RYR3: variants seen among roughly 807,000 people sequenced by gnomAD.
RYR3 encodes brain ryanodine receptor-calcium release channel.
A neutral mutation model predicts 584.3 loss-of-function variants in RYR3; 207 were observed. The ratio of observed to expected loss-of-function variants is 0.35; its 90% CI spans 0.32 to 0.40. The LOEUF (loss-of-function observed/expected upper bound fraction) is 0.40. Among genes scored for constraint, RYR3 ranks in the 10% least tolerant of loss-of-function variants. RYR3 has a pLI of 1.00. For synonymous variants in RYR3, 2,416 were observed against 2,248.5 expected (o/e 1.07, Z -2.11); for missense variants, 5,616 against 6,089.2 (o/e 0.92, Z 2.59).
Position 33,404,090 on chromosome 15 carries a change from G to A in RYR3, c.52-69329G>A, listed in dbSNP as rs181398876. 5.9e-5 allele frequency among the ~76,000 whole-genome samples: 9 copies of A among 152,304 alleles called. No homozygotes were observed. The East Asian group carries it at 1.7e-3, about 29-fold the overall frequency. On this transcript the variant is annotated intron_variant, in intron 1 of 103. Coordinates refer to ENST00000634891, the MANE Select transcript of RYR3 (RefSeq NM_001036.6). ...GTTTTTGCCTCTCCATTTGAGGGAT[G>A]AATTTGGTCGTAAAATAACAGTTAG...
intron 86 of RYR3, 119 bp downstream of exon 86, chr15:33,831,210 T>G: frequency 1.1e-6 from 1 of 906,786 alleles, no homozygotes; most frequent in Non-Finnish European, 1.5e-6. Context: ...GCCCTAATGC[T>G]GACAATTTTT....
chr15:33,528,521 A>G (rs1397376424), intron 3 of RYR3, among the ~76,000 whole-genome samples: 4 of 152,176 alleles, frequency 2.6e-5, no homozygotes, highest in Non-Finnish European at 5.9e-5. Flanking sequence ...CACCTATTTT[A>G]ATAGGTGTTT....
At chr15:33,728,810 C>T (rs1188102493) in intron 46 of RYR3, 47 bp from the exon 47 acceptor site, 11 of 1,558,824 alleles carry the variant, frequency 7.1e-6, no homozygotes, top group Middle Eastern at 3.4e-4. Flanking sequence ...TCTTTTGAGA[C>T]TTTGGAGACA....
intron 10 of RYR3, among the ~76,000 whole-genome samples, chr15:33,561,010 C>T (rs563089881): frequency 6.6e-6 from 1 of 152,142 alleles, no homozygotes; most frequent in South Asian, 2.1e-4. Flanking sequence ...TCCAAGTGAT[C>T]CTTTAAATGC....
Position 33,746,118 on chromosome 15 carries a change from C to A in RYR3, c.7950C>A (p.Thr2650=), listed in dbSNP as rs2152842427. The A allele has an allele frequency of 6.2e-7, 1 of 1,600,730 alleles. No individual in the cohort carries two copies. The change falls in exon 53 of 104, where the codon ACC becomes ACA. Residue 2650 remains threonine (T), a synonymous_variant. Transcript: ENST00000634891. ...TTTCCCTGGATGAAAATGTGAAGAC[C>A]CACCCACTGATAAGGCCTTTCAAGA... ...YGISLDENVK[T]HPLIRPFKTL...
chr15:33,599,562 G>A (rs571465772), intron 16 of RYR3, among the ~76,000 whole-genome samples: 2 of 152,286 alleles, frequency 1.3e-5, no homozygotes, highest in South Asian at 4.1e-4. Flanking sequence ...ACATTCTTCT[G>A]AGTTTCTGAT....
intron 12 of RYR3, among the ~76,000 whole-genome samples, chr15:33,575,507 A>C (rs570513945): frequency 1.3e-5 from 2 of 152,296 alleles, no homozygotes; most frequent in East Asian, 3.9e-4. Context: ...CCTGCTCCTG[A>C]ATGACTCCTG....
At chr15:33,501,122 C>T (rs1288582095) in intron 2 of RYR3, among the ~76,000 whole-genome samples, 4 of 152,276 alleles carry the variant, frequency 2.6e-5, no homozygotes, top group African/African-American at 9.6e-5. Flanking sequence ...GCTTCCTCTC[C>T]ATGCACACTA....
At chr15:33,532,680 T>C (rs952539463) in intron 4 of RYR3, among the ~76,000 whole-genome samples, 2 of 152,220 alleles carry the variant, frequency 1.3e-5, no homozygotes, top group African/African-American at 4.8e-5. Flanking sequence ...ATGTTCCATT[T>C]GTATTGTTCC....
At chr15:33,705,638 G>A (rs181055085) in intron 42 of RYR3, among the ~76,000 whole-genome samples, 103 of 152,320 alleles carry the variant, frequency 6.8e-4, no homozygotes, top group African/African-American at 2.3e-3. Flanking sequence ...CTAGCACAGA[G>A]ATCTCGTGAT....
At chr15:33,383,937 A>G (rs562370543) in intron 1 of RYR3, among the ~76,000 whole-genome samples, 2 of 152,360 alleles carry the variant, frequency 1.3e-5, no homozygotes, top group East Asian at 3.9e-4. Context: ...GCCATAAAAA[A>G]GCACGAAATT....
At chr15:33,494,805 A>G (rs1463800926) in intron 2 of RYR3, among the ~76,000 whole-genome samples, 1 of 152,216 alleles carries the variant, frequency 6.6e-6, no homozygotes, top group East Asian at 1.9e-4. Context: ...AGAACTTTCC[A>G]TCTTTTACCA....
intron 1 of RYR3, among the ~76,000 whole-genome samples, chr15:33,441,648 C>T (rs1320827625): frequency 6.6e-6 from 1 of 152,188 alleles, no homozygotes; most frequent in Non-Finnish European, 1.5e-5. Flanking sequence ...GTGATCATAA[C>T]ATTAAGCTTA....
chr15:33,571,787 A>G (rs2152498824), intron 12 of RYR3, among the ~76,000 whole-genome samples: 1 of 152,268 alleles, frequency 6.6e-6, no homozygotes, highest in South Asian at 2.1e-4. Context: ...ATCCATTTAT[A>G]TCTAATGTAA....
chr15:33,737,977 C>T (rs1053103101), intron 49 of RYR3, among the ~76,000 whole-genome samples: 1 of 152,048 alleles, frequency 6.6e-6, no homozygotes, highest in Non-Finnish European at 1.5e-5. Context: ...AAGGAAACAA[C>T]GGGTAGTAAT....
intron 62 of RYR3, 53 bp from the exon 63 acceptor site, chr15:33,771,867 A>C: frequency 4.4e-5 from 58 of 1,311,158 alleles, no homozygotes; most frequent in Non-Finnish European, 5.9e-5. Context: ...CAAGAAGGGG[A>C]TTGGCCAAAA....
intron 1 of RYR3, among the ~76,000 whole-genome samples, chr15:33,348,628 A>T (rs1196677421): frequency 6.6e-6 from 1 of 152,056 alleles, no homozygotes; most frequent in African/African-American, 2.4e-5. Context: ...GGCGTGCGCC[A>T]CCATGCCCGG....
intron 38 of RYR3, among the ~76,000 whole-genome samples, chr15:33,681,001 G>A (rs1161706534): frequency 6.6e-6 from 1 of 152,230 alleles, no homozygotes. Context: ...GTGCACAGCA[G>A]TTCTGCAGTA....
At chr15:33,858,914 C>G (rs892803727) in intron 99 of RYR3, 1 of 152,370 alleles carries the variant, frequency 6.6e-6, no homozygotes, top group Non-Finnish European at 1.5e-5. Context: ...GGCCAAGCAC[C>G]GTCATGAGAC....
Sources: allele counts gnomAD v4.1 joint callset (sites outside exome capture counted in the v4.1 genomes callset), GRCh38; gene constraint gnomAD v4.1.1; transcripts MANE v1.5; gene names NCBI Gene and HGNC (gene_info 2026-07-23, HGNC 2026-07-21).